The following RPL38 variants were observed in gnomAD, a reference collection of about 807,000 sequenced individuals.
RPL38 encodes the protein ribosomal protein L38.
In RPL38, 2 loss-of-function variants were observed where a neutral mutation model predicts 12.8. The observed-to-expected ratio is 0.16, with a 90% CI of 0.06 to 0.49. The LOEUF is 0.49. Ranked by LOEUF, RPL38 falls within the 20% of genes least tolerant of loss-of-function variation. The pLI, the probability that RPL38 is intolerant of heterozygous loss-of-function variation, is 0.96. For missense variants in RPL38, 52 were observed against 79.8 expected (o/e 0.65, Z 1.33); for synonymous variants, 42 against 30.1 (o/e 1.39, Z -1.29).
chr17:74,205,009 T>C (rs1483069353), intron 3 of RPL38: 1 of 152,264 alleles, frequency 6.6e-6, no homozygotes, highest in Admixed American at 6.5e-5. Context: ...AAGCAGGGCT[T>C]CTACTGAATG....
chr17:74,204,292 TG>T (rs2050090279), intron 3 of RPL38, 102 bp downstream of exon 3: 1 of 1,025,648 alleles, frequency 9.7e-7, no homozygotes, highest in Non-Finnish European at 1.5e-6. Context: ...TTAGGCCGTC[TG>T]GGTGTGTGCC....
chr17:74,206,895 T>A (rs1021307138), intron 3 of RPL38, among the ~76,000 whole-genome samples: 6 of 150,580 alleles, frequency 4.0e-5, no homozygotes, highest in East Asian at 1.9e-4. Flanking sequence ...TTTTTTTTTT[T>A]AAAGTAGAGA....
chr17:74,209,153 A>G, intron 3 of RPL38, 34 bp from the exon 4 acceptor site: 1 of 1,610,914 alleles, frequency 6.2e-7, no homozygotes, highest in Non-Finnish European at 8.5e-7. Flanking sequence ...GTTTTCTGTG[A>G]TACAATTTAA....
In RPL38 at chr17:74,210,235, G is replaced by A. The variant is rs899500570; in HGVS notation, c.*406G>A. On this transcript the variant is annotated 3_prime_UTR_variant, in exon 5 of 5. Coordinates refer to ENST00000311111, the MANE Select transcript of RPL38 (RefSeq NM_000999.4). ...GCTGGGATTACAGGCATGAGCCTCC[G>A]TGCCCGGTGCATCCCTAATCTTGAG... 10 of 163,396 alleles carry A rather than the reference G, an allele frequency of 6.1e-5. No individual in the cohort carries two copies. The highest frequency in any genetic ancestry group is 1.6e-4 in the South Asian group (1 of 6,252). 10.1% of individuals were successfully genotyped at this position (163,396 alleles called of 1,614,324 possible).
At chr17:74,206,196 T>C (rs934411721) in intron 3 of RPL38, 1 of 152,192 alleles carries the variant, frequency 6.6e-6, no homozygotes, top group African/African-American at 2.4e-5. Flanking sequence ...CTGGGTATGG[T>C]GGTTCCCATC....
rs2050155931 is a variant in RPL38 at position 74,210,374 on chromosome 17, A to G, written c.*545A>G. 6.5e-6 allele frequency: 1 copy of G among 153,164 alleles called. No individual in the cohort carries two copies. The highest frequency in any genetic ancestry group is 6.5e-5 in the Admixed American group (1 of 15,358). 9.5% of individuals were successfully genotyped at this position (153,164 alleles called of 1,614,324 possible). On this transcript the variant is annotated 3_prime_UTR_variant, in exon 5 of 5. Coordinates refer to ENST00000311111, the MANE Select transcript of RPL38 (RefSeq NM_000999.4). ...GTTAAACATAACTGGCAGATGTGGG[A>G]GCGATGGTGGGGCATGCCATTCAAA...
rs111424997 is a variant in RPL38, at chr17:74,203,709, C to T, written c.-75C>T. On this transcript the variant is annotated 5_prime_UTR_variant, in exon 1 of 5. Transcript: ENST00000311111. ...CGTCCTTTTCCCCGGTTGCTGCTTG[C>T]TGTGAGTGTCTCTAGGGTGATACGT... is the stretch of plus-strand genomic sequence containing the variant. 1.4e-4 allele frequency: 72 copies of T among 517,880 alleles called. 1 individual carries two copies. The highest frequency in any genetic ancestry group is 4.0e-4 in the African/African-American group (21 of 52,126). The allele number at this position is 517,880 out of a possible 1,614,324, so 32.1% of individuals were successfully genotyped here.
At chr17:74,203,839 A>G in intron 1 of RPL38, 79 bp from the exon 2 acceptor site, 5 of 1,315,366 alleles carry the variant, frequency 3.8e-6, no homozygotes, top group Non-Finnish European at 5.2e-6. Context: ...GATGGGGCCG[A>G]TATTTCGGGG....
Position 74,203,941 on chromosome 17 carries a change from G to A in RPL38, c.-15G>A. The stretch of plus-strand genomic sequence containing the variant: ...AGGTCCTGGTCCGCGCCAGAGCCCA[G>A]CGCGCCTCGTCGCCATGGTGAGTAC... On this transcript the variant is annotated 5_prime_UTR_variant, in exon 2 of 5. Coordinates refer to ENST00000311111, the MANE Select transcript of RPL38 (RefSeq NM_000999.4). 6.2e-7 allele frequency: 1 copy of A among 1,605,632 alleles called. No individual in the cohort carries two copies. The highest frequency in any genetic ancestry group is 1.1e-5 in the South Asian group (1 of 90,636).
At chr17:74,204,072 C>A (rs375600712) in intron 2 of RPL38, 58 bp from the exon 3 acceptor site, 2 of 1,609,284 alleles carry the variant, frequency 1.2e-6, no homozygotes, top group Admixed American at 3.3e-5. Context: ...GTGGACTGGG[C>A]CATCGCCGGG....
At chr17:74,204,005 GC>G (rs1265027121) in intron 2 of RPL38, 47 bp downstream of exon 2, 1 of 1,612,792 alleles carries the variant, frequency 6.2e-7, no homozygotes, top group East Asian at 2.2e-5. Context: ...GGCTCGTGGG[GC>G]CCCGGGGCGA....
At chr17:74,205,599 T>C (rs1387384440) in intron 3 of RPL38, 1 of 152,176 alleles carries the variant, frequency 6.6e-6, no homozygotes, top group Non-Finnish European at 1.5e-5. Context: ...TGTAAAGAGA[T>C]GAGGTTATCA....
rs1417094802 is a variant in RPL38, at chr17:74,210,112, C to T, written c.*283C>T. The T allele has an allele frequency of 2.1e-5, 7 of 332,978 alleles. No individual in the cohort carries two copies. The highest frequency in any genetic ancestry group is 5.9e-5 in the East Asian group (1 of 16,952). The allele number at this position is 332,978 out of a possible 1,614,324, so 20.6% of individuals were successfully genotyped here. On this transcript the variant is annotated 3_prime_UTR_variant, in exon 5 of 5. Transcript: ENST00000311111. ...AAGCGACTGTCCTGCCTCAGCCTCC[C>T]GAGTGGCTGGGATTACAGGCACACA...
intron 3 of RPL38, among the ~76,000 whole-genome samples, chr17:74,206,708 C>CTTTTTTTTTTTTTTTTTTTTTTTTTT (rs35333460): frequency 9.8e-6 from 1 of 101,590 alleles, no homozygotes; most frequent in East Asian, 3.0e-4. Flanking sequence ...TTTTTTCTTT[C>CTTTTTTTTTTTTTTTTTTTTTTTTTT]TTTTTTTTTT....
In RPL38 at chr17:74,203,914, G is replaced by C. The variant is rs1399341763; in HGVS notation, c.-38-4G>C. 6.3e-7 allele frequency: 1 copy of C among 1,587,416 alleles called. No individual in the cohort carries two copies. ...GTGTTAACGCCGAGGACTGTTTCCC[G>C]CAGGTCCTGGTCCGCGCCAGAGCCC... is the stretch of plus-strand genomic sequence containing the variant. On this transcript the variant is annotated splice_region_variant and splice_polypyrimidine_tract_variant and intron_variant, in intron 1 of 4. Coordinates refer to ENST00000311111, the MANE Select transcript of RPL38 (RefSeq NM_000999.4).
Position 74,209,232 on chromosome 17 carries a change from G to A in RPL38, c.110G>A (p.Arg37Gln). 1.9e-6 allele frequency: 3 copies of A among 1,614,024 alleles called. No homozygotes were observed. Among genetic ancestry groups the A allele is most frequent in the Non-Finnish European group, 2.5e-6 (3 of 1,179,930 alleles). ...AAGGACAACGTGAAGTTTAAAGTTC[G>A]ATGCAGCAGATACCTTTACACCCTG... ...KNKDNVKFKV[R>Q]CSRYLYTLVI... The change falls in exon 4 of 5, where the codon CGA (arginine) becomes CAA (glutamine). Residue 37 changes from arginine (R) to glutamine (Q), a missense_variant. By Grantham distance (43) the Arg-to-Gln change is conservative (BLOSUM62 1). Transcript: ENST00000311111.
intron 3 of RPL38, 65 bp downstream of exon 3, chr17:74,204,255 T>C (rs1426246488): frequency 6.9e-7 from 1 of 1,445,012 alleles, no homozygotes; most frequent in South Asian, 1.2e-5. Flanking sequence ...CGGGAGCGTC[T>C]TCCCCGGAAT....
chr17:74,209,685 C>T (rs77705313), intron 4 of RPL38, 119 bp from the exon 5 acceptor site: 8,865 of 855,582 alleles, frequency 0.01, 56 homozygotes, highest in Middle Eastern at 0.018. Context: ...CGAAACTTCG[C>T]TGGTGGATCT....
chr17:74,208,254 T>G (rs2050132923), intron 3 of RPL38, among the ~76,000 whole-genome samples: 1 of 151,990 alleles, frequency 6.6e-6, no homozygotes, highest in African/African-American at 2.4e-5. Flanking sequence ...ATACATGGAG[T>G]GGTAACTACT....
Sources: allele counts gnomAD v4.1 joint callset (sites outside exome capture counted in the v4.1 genomes callset), GRCh38; gene constraint gnomAD v4.1.1; transcripts MANE v1.5; gene names NCBI Gene and HGNC (gene_info 2026-07-23, HGNC 2026-07-21).